The following MAML3 variants were observed in gnomAD, a reference collection of about 807,000 sequenced individuals.
The protein encoded by MAML3 is mastermind-like protein 3.
A neutral mutation model predicts 101.9 loss-of-function variants in MAML3; 27 were observed. That is an observed-to-expected ratio of 0.27 (90% CI 0.20 to 0.37). MAML3 has a LOEUF of 0.37. Ranked by LOEUF, MAML3 falls within the 10% of genes least tolerant of loss-of-function variation. The pLI is 1.00. For missense variants in MAML3, 1,316 were observed against 1,444.9 expected (o/e 0.91, Z 1.45); for synonymous variants, 501 against 555.9 (o/e 0.90, Z 1.39).
chr4:139,905,977 A>T, intron 1 of MAML3, among the ~76,000 whole-genome samples: 1 of 152,210 alleles, frequency 6.6e-6, no homozygotes, highest in East Asian at 1.9e-4. Flanking sequence ...TCATTCTTGC[A>T]TGGCTGGTTA....
intron 1 of MAML3, among the ~76,000 whole-genome samples, chr4:140,105,761 C>G (rs1358623973): frequency 1.3e-5 from 2 of 152,140 alleles, no homozygotes; most frequent in African/African-American, 2.4e-5. Context: ...CTGGTCAATA[C>G]ACCCATCACA....
chr4:139,747,111 G>A (rs1729350669), intron 2 of MAML3, among the ~76,000 whole-genome samples: 1 of 152,182 alleles, frequency 6.6e-6, no homozygotes, highest in South Asian at 2.1e-4. Flanking sequence ...GAGGATGGAG[G>A]GAAGCCCTGT....
At chr4:139,927,670 G>A (rs1011578947) in intron 1 of MAML3, among the ~76,000 whole-genome samples, 4 of 152,054 alleles carry the variant, frequency 2.6e-5, no homozygotes, top group Admixed American at 1.3e-4. Context: ...TGGCTATTAC[G>A]TTATTCTGTG....
intron 2 of MAML3, among the ~76,000 whole-genome samples, chr4:139,787,087 T>G (rs1466021465): frequency 6.6e-6 from 1 of 152,244 alleles, no homozygotes; most frequent in Non-Finnish European, 1.5e-5. Flanking sequence ...CCACTGAGCC[T>G]TTTTGTTCAG....
intron 1 of MAML3, among the ~76,000 whole-genome samples, chr4:140,008,654 A>G (rs1159279652): frequency 6.6e-6 from 1 of 152,238 alleles, no homozygotes; most frequent in Non-Finnish European, 1.5e-5. Context: ...CTGAATATAC[A>G]TAGTTCATCT....
chr4:139,940,474 T>A (rs1310941385), intron 1 of MAML3, among the ~76,000 whole-genome samples: 1 of 152,212 alleles, frequency 6.6e-6, no homozygotes, highest in Non-Finnish European at 1.5e-5. Flanking sequence ...TAGAAAGGGA[T>A]AATAATTCCT....
chr4:140,056,441 T>G (rs2110930338), intron 1 of MAML3, among the ~76,000 whole-genome samples: 1 of 151,556 alleles, frequency 6.6e-6, no homozygotes, highest in African/African-American at 2.4e-5. Flanking sequence ...CACCGCAATC[T>G]CTGCCTCCCA....
rs769916242 is a variant in MAML3, at chr4:139,730,493, C to T, written c.2254G>A (p.Glu752Lys). Residue 752 changes from glutamate to lysine, a missense_variant, in exon 3 of 5, where the codon GAG becomes AAG. Glu to Lys is a moderately conservative substitution (Grantham distance 56, BLOSUM62 1). Transcript: ENST00000509479. ...MLIDQRAQLIEQQKQQFLREQ... is the reference protein window; with the variant it reads ...MLIDQRAQLIKQQKQQFLREQ... Reference sequence around the variant, plus strand: ...CGCAGGAACTGTTGCTTCTGCTGCTCTATCAACTGGGCCCGCTGATCAATG... The same window carrying T: ...CGCAGGAACTGTTGCTTCTGCTGCTTTATCAACTGGGCCCGCTGATCAATG... 3.9e-6 allele frequency: 6 copies of T among 1,554,122 alleles called. No homozygotes were observed. Among genetic ancestry groups the T allele is most frequent in the Non-Finnish European group, 5.2e-6 (6 of 1,148,450 alleles).
chr4:140,032,094 G>T (rs1177087956), intron 1 of MAML3, among the ~76,000 whole-genome samples: 1 of 152,150 alleles, frequency 6.6e-6, no homozygotes, highest in African/African-American at 2.4e-5. Flanking sequence ...AAATTTACCT[G>T]TCTGTGCACA....
At chr4:139,795,459 G>C (rs148387867) in intron 2 of MAML3, among the ~76,000 whole-genome samples, 1 of 152,162 alleles carries the variant, frequency 6.6e-6, no homozygotes, top group African/African-American at 2.4e-5. Flanking sequence ...AAATTAGAAT[G>C]GTTTAATATT....
In MAML3 at chr4:139,719,406, C is replaced by T. The variant is rs1446292460; in HGVS notation, c.3334G>A (p.Ala1112Thr). The T allele has an allele frequency of 3.1e-6, 5 of 1,614,004 alleles. No homozygotes were observed. Among genetic ancestry groups the T allele is most frequent in the Non-Finnish European group, 4.2e-6 (5 of 1,179,880 alleles). The change falls in exon 5 of 5, where the codon GCA becomes ACA. Residue 1112 changes from alanine to threonine, a missense_variant. Coordinates refer to ENST00000509479, the MANE Select transcript of MAML3 (RefSeq NM_018717.5). Reference sequence around the variant, plus strand: ...TTGATGATGGAGTCCACAAGGTCTGCACCGTCCGGGAGGCCAGGGAAGGAA... The same window carrying T: ...TTGATGATGGAGTCCACAAGGTCTGTACCGTCCGGGAGGCCAGGGAAGGAA... ...GGSFPGLPDG[A>T]DLVDSIIKGG...
chr4:139,999,478 C>T lies in MAML3; in HGVS notation c.469-108511G>A, dbSNP rs140984783. Among the ~76,000 whole-genome samples, 994 of 152,296 alleles carry T rather than the reference C, an allele frequency of 6.5e-3. 13 individuals carry two copies. Among genetic ancestry groups the T allele is most frequent in the African/African-American group, 0.023 (947 of 41,548 alleles). ...AGTTTTTCTAGTATAAATGCTTCCC[C>T]GATTGTCGTATGCCTTATTCAATTT... On this transcript the variant is annotated intron_variant, in intron 1 of 4. Coordinates refer to ENST00000509479, the MANE Select transcript of MAML3 (RefSeq NM_018717.5).
intron 2 of MAML3, among the ~76,000 whole-genome samples, chr4:139,732,274 A>C (rs1331575898): frequency 6.6e-6 from 1 of 152,172 alleles, no homozygotes; most frequent in Non-Finnish European, 1.5e-5. Context: ...TCTCTCCTAG[A>C]GAGACCGTCC....
chr4:140,020,637 G>C lies in MAML3; in HGVS notation c.469-129670C>G, dbSNP rs140100173. On this transcript the variant is annotated intron_variant, in intron 1 of 4. Transcript: ENST00000509479. ...TTTCTTGTGTGGAACAGCTATGTCAGAGTGGGTGGGATCCTGTTTCTGAGG... is the reference window on the plus strand; with the variant it reads ...TTTCTTGTGTGGAACAGCTATGTCACAGTGGGTGGGATCCTGTTTCTGAGG... 8.5e-5 allele frequency among the ~76,000 whole-genome samples: 13 copies of C among 152,256 alleles called. No individual in the cohort carries two copies. The East Asian group carries it at 2.3e-3, about 27-fold the overall frequency.
intron 1 of MAML3, among the ~76,000 whole-genome samples, chr4:139,929,939 C>T (rs1008141189): frequency 1.3e-5 from 2 of 152,142 alleles, no homozygotes; most frequent in Non-Finnish European, 2.9e-5. Flanking sequence ...TGTGAATGCC[C>T]AGCCTTGCCC....
At chr4:139,766,291 C>G (rs1230447487) in intron 2 of MAML3, among the ~76,000 whole-genome samples, 2 of 152,118 alleles carry the variant, frequency 1.3e-5, no homozygotes, top group Non-Finnish European at 2.9e-5. Flanking sequence ...CCTGCCTCAG[C>G]CTCCTGAGCA....
intron 1 of MAML3, among the ~76,000 whole-genome samples, chr4:139,897,410 C>T (rs191582765): frequency 1.8e-3 from 267 of 152,286 alleles, no homozygotes; most frequent in Non-Finnish European, 3.1e-3. Flanking sequence ...CAGGACTGGA[C>T]GAAGCACAGT....
chr4:139,989,850 A>AACACACACACACAC (rs71593737), intron 1 of MAML3, among the ~76,000 whole-genome samples: 33 of 122,966 alleles, frequency 2.7e-4, no homozygotes, highest in South Asian at 1.1e-3. Flanking sequence ...CACACAAACA[A>AACACACACACACAC]ACACACACAC....
chr4:139,887,725 T>A (rs1049945321), intron 2 of MAML3, among the ~76,000 whole-genome samples: 1 of 152,218 alleles, frequency 6.6e-6, no homozygotes, highest in South Asian at 2.1e-4. Flanking sequence ...CTGTAGCTAG[T>A]GTAAGAACAG....
Sources: gnomAD v4.1 joint callset for allele counts (sites outside exome capture counted in the v4.1 genomes callset) on GRCh38, gnomAD v4.1.1 for gene constraint, MANE v1.5 for transcripts, NCBI Gene and HGNC (gene_info 2026-07-23, HGNC 2026-07-21) for gene names.